Variants in GRIP1 observed in about 807,000 individuals in gnomAD.
GRIP1 encodes the protein glutamate receptor interacting protein 1, also known as glutamate receptor-interacting protein 1.
In GRIP1, 45 loss-of-function variants were observed where a neutral mutation model predicts 129.9. The observed-to-expected ratio is 0.35, with a 90% confidence interval of 0.27 to 0.44. The LOEUF is 0.44. Ranked by LOEUF, GRIP1 falls within the 20% of genes least tolerant of loss-of-function variation. The probability of loss-of-function intolerance (pLI) is 1.00; values close to 1 mark genes in which losing one functional copy is unlikely to be tolerated. For missense variants in GRIP1, 1,196 were observed against 1,396.8 expected, an observed-to-expected ratio of 0.86 and a Z score of 2.29; for synonymous variants, 530 against 520.8, an observed-to-expected ratio of 1.02 and a Z score of -0.24.
Position 66,575,554 on chromosome 12 carries a change from A to C in GRIP1, c.136+21293T>G, listed in dbSNP as rs193072843. Among the ~76,000 whole-genome samples the C allele has an allele frequency of 2.5e-3, 384 of 152,316 alleles. 3 individuals carry two copies. The highest frequency in any genetic ancestry group is 2.4e-3 in the Admixed American group (37 of 15,294). On this transcript the variant is annotated intron_variant, in intron 2 of 24. Transcript: ENST00000359742. ...CCTTGTGTCTGAAGAGCAGAAGAAGAGTTCTTGCCACCATAATGACAACCA... is the reference window on the plus strand; with the variant it reads ...CCTTGTGTCTGAAGAGCAGAAGAAGCGTTCTTGCCACCATAATGACAACCA...
At position 66,541,864 on chromosome 12, in the gene GRIP1, C is replaced by A. The variant is rs758058694; in HGVS notation, c.223G>T (p.Asp75Tyr). 1.9e-6 allele frequency: 3 copies of A among 1,613,978 alleles called. No individual in the cohort carries two copies. The highest frequency in any genetic ancestry group is 2.5e-6 in the Non-Finnish European group (3 of 1,179,924). ...AGATTAGATACTCTTGGCTTGCCAT[C>A]CTTATCAATTCCTCCCGATACCGTC... Reference protein sequence around the residue: ...GLTVSGGIDKDGKPRVSNLRQ... With the variant: ...GLTVSGGIDKYGKPRVSNLRQ... The change falls in exon 3 of 25, where the codon GAT becomes TAT. Residue 75 changes from aspartate to tyrosine, a missense_variant. By Grantham distance (160) the Asp-to-Tyr change is radical. This residue lies in a region of GRIP1 where 217 missense variants were observed against 224.8 expected (regional missense o/e 0.97). Transcript: ENST00000359742.
At chr12:66,839,267 A>G (rs1656868938) in intron 1 of GRIP1, among the ~76,000 whole-genome samples, 2 of 152,150 alleles carry the variant, frequency 1.3e-5, no homozygotes, top group African/African-American at 4.8e-5. Flanking sequence ...AAATTGCCCA[A>G]TCAGTGATTC....
intron 1 of GRIP1, among the ~76,000 whole-genome samples, chr12:66,869,063 C>T (rs375822222): frequency 4.6e-5 from 7 of 152,174 alleles, no homozygotes; most frequent in East Asian, 1.9e-4. Flanking sequence ...CTGCATCTCT[C>T]GTACATCTTT....
At chr12:66,746,381 T>C (rs1194458651) in intron 1 of GRIP1, among the ~76,000 whole-genome samples, 1 of 152,168 alleles carries the variant, frequency 6.6e-6, no homozygotes, top group Non-Finnish European at 1.5e-5. Context: ...TCCTGGAAGT[T>C]TGTTAGAAAT....
intron 11 of GRIP1, among the ~76,000 whole-genome samples, chr12:66,448,517 A>G (rs1254951974): frequency 6.6e-6 from 1 of 152,056 alleles, no homozygotes; most frequent in Non-Finnish European, 1.5e-5. Context: ...CCTCCTGTCA[A>G]ACTTTCCGGA....
intron 1 of GRIP1, among the ~76,000 whole-genome samples, chr12:66,726,064 G>A (rs1463989452): frequency 6.6e-6 from 1 of 152,112 alleles, no homozygotes; most frequent in African/African-American, 2.4e-5. Flanking sequence ...CTAATTATTG[G>A]TAGAGAGGTG....
At chr12:66,885,718 A>G (rs2040555150) in intron 1 of GRIP1, among the ~76,000 whole-genome samples, 1 of 152,128 alleles carries the variant, frequency 6.6e-6, no homozygotes, top group Non-Finnish European at 1.5e-5. Context: ...CTCTCCTCTA[A>G]AGCCTCAAGT....
intron 4 of GRIP1, 60 bp from the exon 5 acceptor site, chr12:66,529,974 C>T: frequency 9.7e-7 from 1 of 1,031,988 alleles, no homozygotes; most frequent in Non-Finnish European, 1.5e-6. Flanking sequence ...ATTTCTAAAT[C>T]ATTCAATGTG....
chr12:66,962,725 T>G (rs953223753), intron 1 of GRIP1, among the ~76,000 whole-genome samples: 1 of 152,194 alleles, frequency 6.6e-6, no homozygotes, highest in Non-Finnish European at 1.5e-5. Context: ...AGTAAGATCC[T>G]GATTAAACAA....
intron 1 of GRIP1, among the ~76,000 whole-genome samples, chr12:66,910,620 C>A (rs554334395): frequency 1.5e-4 from 23 of 152,062 alleles, no homozygotes; most frequent in African/African-American, 5.5e-4. Context: ...CTTCTCTTAA[C>A]CTCAAAAACA....
intron 1 of GRIP1, among the ~76,000 whole-genome samples, chr12:66,658,497 C>A (rs555899569): frequency 6.6e-6 from 1 of 151,942 alleles, no homozygotes; most frequent in Non-Finnish European, 1.5e-5. Context: ...AGGAGAATGG[C>A]GTGAACCCGG....
chr12:66,881,415 G>T (rs2137192376), intron 1 of GRIP1, among the ~76,000 whole-genome samples: 1 of 152,228 alleles, frequency 6.6e-6, no homozygotes, highest in South Asian at 2.1e-4. Context: ...ATAAATCTCT[G>T]TGCTAAAAAT....
chr12:66,553,911 C>G (rs185572371), intron 2 of GRIP1, among the ~76,000 whole-genome samples: 46 of 152,130 alleles, frequency 3.0e-4, no homozygotes, highest in African/African-American at 1.0e-3. Flanking sequence ...GCCATGTGAG[C>G]TCCGACAAGC....
At chr12:67,062,656 T>A (rs1341778997) in intron 1 of GRIP1, among the ~76,000 whole-genome samples, 1 of 152,190 alleles carries the variant, frequency 6.6e-6, no homozygotes, top group Non-Finnish European at 1.5e-5. Context: ...ACAACTATAC[T>A]TAATAATCTC....
chr12:66,658,113 TA>T (rs2033274025), intron 1 of GRIP1, among the ~76,000 whole-genome samples: 1 of 152,082 alleles, frequency 6.6e-6, no homozygotes, highest in Non-Finnish European at 1.5e-5. Context: ...TTAATAAACA[TA>T]AATAAACATA....
intron 1 of GRIP1, among the ~76,000 whole-genome samples, chr12:66,949,572 T>C (rs2041722418): frequency 6.6e-6 from 1 of 152,174 alleles, no homozygotes; most frequent in South Asian, 2.1e-4. Context: ...AAATCTTTTC[T>C]AGAAGAATGA....
At chr12:66,457,340 T>C (rs1015793126) in intron 9 of GRIP1, among the ~76,000 whole-genome samples, 1 of 152,220 alleles carries the variant, frequency 6.6e-6, no homozygotes, top group Non-Finnish European at 1.5e-5. Flanking sequence ...TGATCATAGC[T>C]CACTGTAATC....
intron 23 of GRIP1, among the ~76,000 whole-genome samples, chr12:66,354,565 G>A (rs556314728): frequency 6.6e-6 from 1 of 152,166 alleles, no homozygotes; most frequent in Non-Finnish European, 1.5e-5. Context: ...GTTTTACCAA[G>A]TTGTGCCAGA....
At chr12:66,617,083 TTTTGTGTGTGTGTGTG>T (rs1278891923) in intron 1 of GRIP1, among the ~76,000 whole-genome samples, 2 of 51,152 alleles carry the variant, frequency 3.9e-5, no homozygotes, top group Admixed American at 1.8e-4. Context: ...GCAACAGACG[TTTTGTGTGTGTGTGTG>T]TGTGTGTGTG....
Sources: gnomAD v4.1 joint callset for allele counts (sites outside exome capture counted in the v4.1 genomes callset) on GRCh38, gnomAD v4.1.1 for gene constraint, gnomAD v4.1.1 regional missense constraint, MANE v1.5 for transcripts, NCBI Gene and HGNC (gene_info 2026-07-23, HGNC 2026-07-21) for gene names.